ZNF98: variants seen among roughly 807,000 people sequenced by gnomAD.
ZNF98 encodes the protein zinc finger protein 98, also known as zinc finger protein 739.
A neutral mutation model predicts 12.8 loss-of-function variants in ZNF98; 8 were observed. The ratio of observed to expected loss-of-function variants is 0.63; its 90% CI spans 0.37 to 1.13. ZNF98 has a LOEUF of 1.13. ZNF98 is among the 50% of genes most tolerant of loss of function. The pLI, the probability that ZNF98 is intolerant of heterozygous loss-of-function variation, is 0.01. For missense variants in ZNF98, 379 were observed against 666.1 expected, an observed-to-expected ratio of 0.57 and a Z score of 4.74; for synonymous variants, 112 against 223.5, an observed-to-expected ratio of 0.50 and a Z score of 4.45.
intron 1 of ZNF98, among the ~76,000 whole-genome samples, chr19:22,415,975 A>G (rs1269996661): frequency 6.7e-6 from 1 of 148,422 alleles, no homozygotes; most frequent in Non-Finnish European, 1.5e-5. Context: ...ACACACACAC[A>G]CACACACACA....
At chr19:22,412,640 T>A (rs1310121213) in intron 1 of ZNF98, among the ~76,000 whole-genome samples, 2 of 139,442 alleles carry the variant, frequency 1.4e-5, no homozygotes, top group African/African-American at 2.6e-5. Flanking sequence ...AGTAAAATCT[T>A]AAAAAAAAAA....
chr19:22,398,957 C>T (rs1259875279), intron 3 of ZNF98, among the ~76,000 whole-genome samples: 4 of 152,000 alleles, frequency 2.6e-5, no homozygotes, highest in Non-Finnish European at 5.9e-5. Context: ...TAGATAAAAA[C>T]ACACACACAT....
chr19:22,410,391 A>C (rs1969567961), intron 1 of ZNF98, among the ~76,000 whole-genome samples: 1 of 152,244 alleles, frequency 6.6e-6, no homozygotes. Flanking sequence ...AAAATATGGT[A>C]CATACACACC....
chr19:22,396,493 A>G (rs2145109050), intron 3 of ZNF98, among the ~76,000 whole-genome samples: 1 of 152,278 alleles, frequency 6.6e-6, no homozygotes, highest in East Asian at 1.9e-4. Context: ...ATCAAATAAA[A>G]TAATTAAAAA....
intron 3 of ZNF98, among the ~76,000 whole-genome samples, chr19:22,398,061 G>A (rs1181867624): frequency 6.6e-6 from 1 of 150,598 alleles, no homozygotes; most frequent in Admixed American, 6.6e-5. Context: ...GGCAAATTTC[G>A]GTCACCAAAT....
rs778593958 is a variant in ZNF98, at chr19:22,402,860, A to G, written c.182T>C (p.Leu61Pro). 2 of 1,587,158 alleles carry G rather than the reference A, an allele frequency of 1.3e-6. No homozygotes were observed. The highest frequency in any genetic ancestry group is 2.3e-5 in the South Asian group (2 of 85,556). ...FVGIAASKPD[L>P]ITCLEQGKEP... ...TTTTCCTTGCTCCAGACAGGTGATC[A>G]GGTCTGGCTTAGAGGCAGCAATACC... Residue 61 changes from leucine to proline, a missense_variant, in exon 3 of 4, where the codon CTG becomes CCG. By Grantham distance (98) the Leu-to-Pro change is moderately conservative. Coordinates refer to ENST00000357774, the MANE Select transcript of ZNF98 (RefSeq NM_001098626.2).
At position 22,392,529 on chromosome 19, in the gene ZNF98, T is replaced by A; in HGVS notation, c.706A>T (p.Lys236Ter). ...STHKRIHTGK[K>*]PYKCEECGKA... ...CCACACTCTTCGCATTTGTAGGGTT[T>A]CTTTCCAGTATGAATTCTTTTATGT... is the stretch of plus-strand genomic sequence containing the variant. The change falls in exon 4 of 4, where the codon AAA becomes TAA. Residue 236 changes from lysine to a stop codon, truncating the protein, a stop_gained. Transcript: ENST00000357774. LOFTEE classifies it low-confidence loss of function (END_TRUNC). 2 of 1,608,000 alleles carry A rather than the reference T, an allele frequency of 1.2e-6. No individual in the cohort carries two copies.
intron 3 of ZNF98, among the ~76,000 whole-genome samples, chr19:22,395,209 C>T (rs554295298): frequency 2.1e-5 from 3 of 141,126 alleles, no homozygotes; most frequent in Admixed American, 1.4e-4. Flanking sequence ...AAAAGAAACA[C>T]GAATAAACTC....
chr19:22,412,747 G>A (rs1397761677), intron 1 of ZNF98, among the ~76,000 whole-genome samples: 1 of 151,998 alleles, frequency 6.6e-6, no homozygotes, highest in Non-Finnish European at 1.5e-5. Context: ...TTTTTGGGAT[G>A]CAAGGTTAAT....
chr19:22,398,490 C>A (rs532801330), intron 3 of ZNF98, among the ~76,000 whole-genome samples: 1 of 151,166 alleles, frequency 6.6e-6, no homozygotes, highest in Non-Finnish European at 1.5e-5. Flanking sequence ...CTCAATCTCC[C>A]AAGTAGACAG....
At chr19:22,415,587 A>G (rs1969630497) in intron 1 of ZNF98, among the ~76,000 whole-genome samples, 1 of 147,248 alleles carries the variant, frequency 6.8e-6, no homozygotes, top group Non-Finnish European at 1.5e-5. Context: ...ACCCAGCGGA[A>G]CATGGCAAGA....
chr19:22,396,831 C>T (rs1323738937), intron 3 of ZNF98, among the ~76,000 whole-genome samples: 2 of 152,058 alleles, frequency 1.3e-5, no homozygotes, highest in African/African-American at 2.4e-5. Flanking sequence ...TTAAAACTTA[C>T]AGATTTAGGC....
intron 3 of ZNF98, among the ~76,000 whole-genome samples, chr19:22,397,294 TAGAG>T (rs1414426490): frequency 1.9e-4 from 28 of 151,178 alleles, no homozygotes; most frequent in Admixed American, 1.9e-3. Context: ...CAGAGACACA[TAGAG>T]AGCAACATAA....
chr19:22,399,678 T>C (rs540304382), intron 3 of ZNF98, among the ~76,000 whole-genome samples: 1 of 152,312 alleles, frequency 6.6e-6, no homozygotes, highest in African/African-American at 2.4e-5. Flanking sequence ...GTCCTAAATG[T>C]CTAAATCTAA....
chr19:22,403,241 T>C lies in ZNF98; in HGVS notation c.157+145A>G, dbSNP rs547899039. The C allele has an allele frequency of 1.4e-4, 137 of 975,222 alleles. No homozygotes were observed. In the East Asian group the frequency reaches 2.2e-3, roughly 16 times the overall value. The allele number at this position is 975,222 out of a possible 1,614,324, so 60.4% of individuals were successfully genotyped here. A position where few individuals can be genotyped will look rare whatever the true frequency, so the allele number is the denominator to read the frequency against. On this transcript the variant is annotated intron_variant, in intron 2 of 3. Transcript: ENST00000357774. ...AAACATCTTGAAATTCTTTTCTACA[T>C]AGACAAATCTTGAAGTTAAAAAAAA...
At position 22,419,801 on chromosome 19, in the gene ZNF98, A is replaced by T. The variant is rs540949201; in HGVS notation, c.30+2394T>A. On this transcript the variant is annotated intron_variant, in intron 1 of 3. Coordinates refer to ENST00000357774, the MANE Select transcript of ZNF98 (RefSeq NM_001098626.2). The stretch of plus-strand genomic sequence containing the variant: ...TTAAGCATGAAACTCAGAAGTCAAG[A>T]TAACAGGATACAGAACAGAGATATT... Among the ~76,000 whole-genome samples, 9 of 152,324 alleles carry T rather than the reference A, an allele frequency of 5.9e-5. 1 individual carries two copies. In the South Asian group the frequency reaches 1.9e-3, roughly 32 times the overall value.
At chr19:22,397,596 G>GA (rs1006912856) in intron 3 of ZNF98, among the ~76,000 whole-genome samples, 4 of 147,504 alleles carry the variant, frequency 2.7e-5, no homozygotes, top group Admixed American at 6.8e-5. Context: ...TATACAACGA[G>GA]AAAAAAAATC....
chr19:22,420,623 T>C (rs1969693218), intron 1 of ZNF98, among the ~76,000 whole-genome samples: 1 of 152,092 alleles, frequency 6.6e-6, no homozygotes, highest in Non-Finnish European at 1.5e-5. Context: ...CTGCACTCCC[T>C]ACCTCAGGTT....
intron 1 of ZNF98, among the ~76,000 whole-genome samples, chr19:22,420,188 A>G (rs1969689082): frequency 6.6e-6 from 1 of 151,996 alleles, no homozygotes; most frequent in African/African-American, 2.4e-5. Flanking sequence ...AAGAAAACAG[A>G]TGTGTCTGAC....
Sources: gnomAD v4.1 joint callset for allele counts (sites outside exome capture counted in the v4.1 genomes callset) on GRCh38, gnomAD v4.1.1 for gene constraint, MANE v1.5 for transcripts, NCBI Gene and HGNC (gene_info 2026-07-23, HGNC 2026-07-21) for gene names.